Variants in VAV1 observed in about 807,000 individuals in gnomAD.
VAV1 encodes vav guanine nucleotide exchange factor 1, also known as proto-oncogene vav.
A neutral mutation model predicts 128.1 loss-of-function variants in VAV1; 33 were observed. The observed-to-expected ratio is 0.26, with a 90% CI of 0.20 to 0.34. VAV1 has a LOEUF of 0.34. Ranked by LOEUF, VAV1 falls within the 10% of genes least tolerant of loss-of-function variation. The pLI is 1.00. For missense variants in VAV1, 715 were observed against 1,093.7 expected (o/e 0.65, Z 4.88); for synonymous variants, 394 against 409.8 (o/e 0.96, Z 0.47).
chr19:6,835,097 A>C (rs1321426654), intron 19 of VAV1, among the ~76,000 whole-genome samples: 4 of 152,000 alleles, frequency 2.6e-5, no homozygotes, highest in African/African-American at 7.2e-5. Context: ...TTTTCTTCTT[A>C]TTATTACTTA....
intron 1 of VAV1, among the ~76,000 whole-genome samples, chr19:6,781,210 C>T (rs1310057263): frequency 1.3e-5 from 2 of 152,126 alleles, no homozygotes; most frequent in Admixed American, 1.3e-4. Context: ...ACCCAGTCCT[C>T]GTGTTTTTAT....
rs1216161713 is a variant in VAV1, at chr19:6,777,365, TG to T, written c.204+4355del. Among the ~76,000 whole-genome samples, 1 of 152,086 alleles carries T rather than the reference TG, an allele frequency of 6.6e-6. No individual in the cohort carries two copies. The highest frequency in any genetic ancestry group is 2.4e-5 in the African/African-American group (1 of 41,402). The stretch of plus-strand genomic sequence containing the variant: ...AGCACACACACACAAAAACCCCTGT[TG>T]TTGAGGAGCCTGCATTCTAGTGGGG... On this transcript the variant is annotated intron_variant, in intron 1 of 26. Transcript: ENST00000602142. This position sits in a 1 kb window ranked among gnomAD's most constrained non-coding sequence, Gnocchi z 4.4.
intron 23 of VAV1, among the ~76,000 whole-genome samples, chr19:6,849,235 T>A (rs1164690009): frequency 6.7e-6 from 1 of 150,278 alleles, no homozygotes; most frequent in African/African-American, 2.5e-5. Flanking sequence ...TTCAGCTCTT[T>A]CATCCCACCC....
At chr19:6,839,147 A>G (rs2144805724) in intron 21 of VAV1, among the ~76,000 whole-genome samples, 1 of 151,086 alleles carries the variant, frequency 6.6e-6, no homozygotes, top group South Asian at 2.1e-4. Context: ...GTGATCCGCC[A>G]GCTTCAGCCT....
intron 19 of VAV1, 96 bp from the exon 20 acceptor site, chr19:6,836,336 C>T (rs1599670049): frequency 6.8e-7 from 1 of 1,480,056 alleles, no homozygotes; most frequent in Non-Finnish European, 9.1e-7. Flanking sequence ...TATTGCCAGT[C>T]TAAAAAGAAA....
At chr19:6,815,141 TTTTA>T (rs550181298) in intron 1 of VAV1, among the ~76,000 whole-genome samples, 4 of 152,020 alleles carry the variant, frequency 2.6e-5, no homozygotes, top group African/African-American at 9.7e-5. Context: ...TTGCTTCTTC[TTTTA>T]TTTATTTATT....
rs1397327532 is a variant in VAV1, at chr19:6,821,848, C to T, written c.438C>T (p.Ser146=). The T allele has an allele frequency of 8.7e-6, 14 of 1,614,038 alleles. No homozygotes were observed. Among genetic ancestry groups the T allele is most frequent in the African/African-American group, 5.3e-5 (4 of 74,946 alleles). ...ATGAAGACATCTACAGTGGCCTGTC[C>T]GACCAGATCGAGTGAGTGCTCAGGC... ...VGDEDIYSGL[S]DQIDDTVEED... The change falls in exon 4 of 27, where the codon TCC becomes TCT. Residue 146 remains serine, a synonymous_variant. Transcript: ENST00000602142.
chr19:6,814,253 A>C (rs140901031), intron 1 of VAV1, among the ~76,000 whole-genome samples: 72 of 152,232 alleles, frequency 4.7e-4, no homozygotes, highest in African/African-American at 1.7e-3. Flanking sequence ...TAAATTCTTC[A>C]TTTTATCATT....
intron 2 of VAV1, 150 bp from the exon 3 acceptor site, chr19:6,821,472 G>T: frequency 2.5e-6 from 2 of 799,838 alleles, no homozygotes; most frequent in Middle Eastern, 3.3e-4. Context: ...AGAGAACGAT[G>T]GTATGGGGAA....
chr19:6,803,768 T>C (rs1309817164), intron 1 of VAV1, among the ~76,000 whole-genome samples: 4 of 152,158 alleles, frequency 2.6e-5, no homozygotes, highest in Non-Finnish European at 5.9e-5. Flanking sequence ...TTTCACCATG[T>C]TGGCCAGGCT....
rs1971980310 is a variant in VAV1, at chr19:6,828,788, T to TTGC, written c.1180-25_1180-23dup. 1.2e-6 allele frequency: 2 copies of TTGC among 1,614,068 alleles called. No individual in the cohort carries two copies. The highest frequency in any genetic ancestry group is 2.2e-5 in the East Asian group (1 of 44,878). ...GTCTGGCTCCTTTCTTGGGAGACCC[T>TTGC]TGCTAGACCCCCTGCCTACTGCATA... On this transcript the variant is annotated intron_variant, in intron 12 of 26. Transcript: ENST00000602142. This position sits in a 1 kb window ranked among gnomAD's most constrained non-coding sequence, Gnocchi z 4.5.
At chr19:6,847,961 G>A (rs780976179) in intron 22 of VAV1, 37 bp from the exon 23 acceptor site, 1 of 1,442,044 alleles carries the variant, frequency 6.9e-7, no homozygotes, top group Non-Finnish European at 9.1e-7. Context: ...CCAGGCACGG[G>A]GACCGTGCCA....
chr19:6,855,014 T>C (rs1394465864), intron 26 of VAV1, among the ~76,000 whole-genome samples: 3 of 152,198 alleles, frequency 2.0e-5, no homozygotes, highest in Non-Finnish European at 4.4e-5. Context: ...CCTGCTTGAA[T>C]TCCGATTCCA....
chr19:6,846,917 GT>G (rs533658535), intron 22 of VAV1, among the ~76,000 whole-genome samples: 65 of 135,348 alleles, frequency 4.8e-4, no homozygotes, highest in South Asian at 9.4e-4. Flanking sequence ...GTGGCTTTTT[GT>G]TTTTTTTTTT....
At chr19:6,781,244 T>C (rs1242184687) in intron 1 of VAV1, among the ~76,000 whole-genome samples, 2 of 152,232 alleles carry the variant, frequency 1.3e-5, no homozygotes, top group African/African-American at 4.8e-5. Flanking sequence ...AGACGTTTTA[T>C]TTTGTCAACC....
chr19:6,798,017 C>A (rs1291968075), intron 1 of VAV1, among the ~76,000 whole-genome samples: 3 of 151,820 alleles, frequency 2.0e-5, no homozygotes, highest in African/African-American at 7.3e-5. Flanking sequence ...GTGGCTCACG[C>A]TGTAATCCCA....
At chr19:6,829,042 G>A in intron 13 of VAV1, 142 bp downstream of exon 13, 1 of 944,674 alleles carries the variant, frequency 1.1e-6, no homozygotes, top group Non-Finnish European at 1.6e-6. Flanking sequence ...ATGGACAGGT[G>A]GGTGGAGTCG....
At position 6,818,745 on chromosome 19, in the gene VAV1, G is replaced by A. The variant is rs1162200412; in HGVS notation, c.205-1957G>A. ...TAGGGTGCAGGCAGGGCAAGACCAC[G>A]TCACAGTGCAGGGAGAAGGTGGCTG... On this transcript the variant is annotated intron_variant, in intron 1 of 26. Transcript: ENST00000602142. 3.9e-5 allele frequency among the ~76,000 whole-genome samples: 6 copies of A among 152,268 alleles called. No homozygotes were observed. In the South Asian group the frequency reaches 6.2e-4, roughly 16 times the overall value.
At chr19:6,784,682 C>T (rs1191255946) in intron 1 of VAV1, among the ~76,000 whole-genome samples, 6 of 151,924 alleles carry the variant, frequency 3.9e-5, no homozygotes, top group African/African-American at 7.3e-5. Context: ...TTAGTAGAGA[C>T]GGGGTTTCAC....
Sources: allele counts gnomAD v4.1 joint callset (sites outside exome capture counted in the v4.1 genomes callset), GRCh38; gene constraint gnomAD v4.1.1; non-coding constraint Gnocchi (gnomAD v3.1); transcripts MANE v1.5; gene names NCBI Gene and HGNC (gene_info 2026-07-23, HGNC 2026-07-21).